TPTE2: variants seen among roughly 807,000 people sequenced by gnomAD.
TPTE2 encodes the protein phosphatidylinositol 3,4,5-trisphosphate 3-phosphatase TPTE2.
Under a neutral mutation model 78.6 loss-of-function variants are expected in TPTE2, and 53 were observed. The observed-to-expected ratio is 0.67, with a 90% CI of 0.54 to 0.85. TPTE2 has a LOEUF of 0.85. Among genes scored for constraint, TPTE2 ranks in the 40% least tolerant of loss-of-function variants. The pLI is 0.00. For synonymous variants in TPTE2, 175 were observed against 206.2 expected, an observed-to-expected ratio of 0.85 and a Z score of 1.30; for missense variants, 461 against 623.0, an observed-to-expected ratio of 0.74 and a Z score of 2.77.
chr13:19,441,087 CAA>C (rs112942637), intron 13 of TPTE2, among the ~76,000 whole-genome samples: 107 of 133,284 alleles, frequency 8.0e-4, no homozygotes, highest in African/African-American at 2.5e-3. Context: ...AACTCCCTCT[CAA>C]AAAAAAAAAA....
chr13:19,517,161 C>G (rs552409411), intron 1 of TPTE2, among the ~76,000 whole-genome samples: 9 of 152,284 alleles, frequency 5.9e-5, no homozygotes, highest in African/African-American at 2.2e-4. Flanking sequence ...GTCAGAAGAG[C>G]CTGGGGTCTG....
At chr13:19,543,450 C>T in the TPTE2 span, among the ~76,000 whole-genome samples, 5 of 151,384 alleles carry the variant, frequency 3.3e-5, no homozygotes, top group African/African-American at 7.3e-5. Flanking sequence ...CCTCTGCACC[C>T]GGGTTCAAGT....
chr13:19,520,316 G>A (rs1870071798), intron 1 of TPTE2, among the ~76,000 whole-genome samples: 1 of 151,930 alleles, frequency 6.6e-6, no homozygotes, highest in South Asian at 2.1e-4. Context: ...AACAGAAAAA[G>A]CAAGCAGGTA....
At chr13:19,427,232 G>A (rs1267182021) in intron 17 of TPTE2, among the ~76,000 whole-genome samples, 17 of 151,318 alleles carry the variant, frequency 1.1e-4, no homozygotes, top group African/African-American at 4.1e-4. Context: ...CTACAGGCAC[G>A]TGCCACCATG....
chr13:19,546,526 G>A, the TPTE2 span, among the ~76,000 whole-genome samples: 1 of 106,126 alleles, frequency 9.4e-6, no homozygotes, highest in Non-Finnish European at 1.7e-5. Context: ...TTTCACTCTC[G>A]TTGCCCAGGC....
At chr13:19,428,020 G>C (rs1018132168) in intron 17 of TPTE2, among the ~76,000 whole-genome samples, 45 of 152,204 alleles carry the variant, frequency 3.0e-4, no homozygotes, top group African/African-American at 1.1e-3. Context: ...AACAGAAGGT[G>C]CAGAATGCAA....
rs536011342 is a variant in TPTE2 at position 19,469,576 on chromosome 13, T to G, written c.393-2232A>C. 1.4e-4 allele frequency among the ~76,000 whole-genome samples: 22 copies of G among 152,306 alleles called. 1 individual carries two copies. In the South Asian group the frequency reaches 2.3e-3, roughly 16 times the overall value. ...TTCTGTGAAGAATGTCATTCATATT[T>G]TGACAAGGAGTGCATTGAATCTGTA... On this transcript the variant is annotated intron_variant, in intron 6 of 19. Transcript: ENST00000400230.
chr13:19,427,376 C>G (rs1876209406), intron 17 of TPTE2, among the ~76,000 whole-genome samples: 2 of 152,150 alleles, frequency 1.3e-5, no homozygotes, highest in South Asian at 4.1e-4. Flanking sequence ...AGCCACCGTG[C>G]CCGGCCGTGA....
intron 1 of TPTE2, among the ~76,000 whole-genome samples, chr13:19,530,505 T>G (rs1260749347): frequency 1.3e-5 from 2 of 152,206 alleles, no homozygotes; most frequent in African/African-American, 4.8e-5. Flanking sequence ...CTCCTTCAAA[T>G]GGTTGAAGTA....
At chr13:19,556,654 T>C in the TPTE2 span, among the ~76,000 whole-genome samples, 9 of 152,072 alleles carry the variant, frequency 5.9e-5, no homozygotes, top group Non-Finnish European at 1.2e-4. Context: ...ACCTCCCAAG[T>C]TGCTAGGATT....
chr13:19,525,248 T>C (rs1870424266), intron 1 of TPTE2, among the ~76,000 whole-genome samples: 2 of 152,164 alleles, frequency 1.3e-5, no homozygotes, highest in African/African-American at 4.8e-5. Context: ...AAAGCAATCC[T>C]GCACAAAAAG....
chr13:19,548,935 A>G, the TPTE2 span, among the ~76,000 whole-genome samples: 1 of 152,142 alleles, frequency 6.6e-6, no homozygotes, highest in Non-Finnish European at 1.5e-5. Flanking sequence ...CCTGGCCAAC[A>G]TGGCAAAACC....
At chr13:19,465,517 A>T in exon 8 of TPTE2, 1 of 1,610,264 alleles carries the variant, frequency 6.2e-7, no homozygotes, top group South Asian at 1.1e-5. Flanking sequence ...CAGATGAAAA[A>T]TTCTTATCAG....
chr13:19,426,015 C>T (rs146184542), intron 18 of TPTE2, among the ~76,000 whole-genome samples: 5,601 of 151,500 alleles, frequency 0.037, 165 homozygotes, highest in African/African-American at 0.074. Context: ...GCTATGATCA[C>T]GCCACTGCAC....
intron 16 of TPTE2, 138 bp from the exon 20 acceptor site, chr13:19,430,685 G>T (rs1378481458): frequency 3.2e-5 from 20 of 629,634 alleles, no homozygotes; most frequent in Non-Finnish European, 5.5e-5. Context: ...ATTTGGTCTT[G>T]CATGGATTTT....
the TPTE2 span, among the ~76,000 whole-genome samples, chr13:19,542,335 A>G: frequency 1.3e-5 from 2 of 152,190 alleles, no homozygotes; most frequent in Non-Finnish European, 2.9e-5. Flanking sequence ...TCTCCTGCTC[A>G]GGGTCTCACA....
intron 11 of TPTE2, 66 bp from the exon 15 acceptor site, chr13:19,450,410 A>G: frequency 7.2e-7 from 1 of 1,391,066 alleles, no homozygotes; most frequent in Admixed American, 1.9e-5. Flanking sequence ...GAAGTTATGA[A>G]TAAGTTAACA....
At chr13:19,449,178 ATTG>A (rs1276139453) in intron 13 of TPTE2, among the ~76,000 whole-genome samples, 1 of 151,954 alleles carries the variant, frequency 6.6e-6, no homozygotes, top group South Asian at 2.1e-4. Context: ...CTTTATTATT[ATTG>A]TTATTTTTTT....
intron 1 of TPTE2, among the ~76,000 whole-genome samples, chr13:19,512,590 T>TA (rs996140893): frequency 6.6e-6 from 1 of 151,754 alleles, no homozygotes; most frequent in Non-Finnish European, 1.5e-5. Context: ...AACATTTTTT[T>TA]TTTTTTGAGA....
Sources: gnomAD v4.1 joint callset for allele counts (sites outside exome capture counted in the v4.1 genomes callset) on GRCh38, gnomAD v4.1.1 for gene constraint, MANE v1.5 for transcripts, NCBI Gene and HGNC (gene_info 2026-07-23, HGNC 2026-07-21) for gene names.